MYRIP: variants seen among roughly 807,000 people sequenced by gnomAD.
MYRIP encodes myosin VIIA and Rab interacting protein, also known as rab effector MyRIP.
MYRIP carries 49 observed loss-of-function variants against 98.0 expected under a neutral mutation model. The observed-to-expected ratio is 0.50, with a 90% CI of 0.40 to 0.63. The LOEUF (loss-of-function observed/expected upper bound fraction) is 0.63. Among genes scored for constraint, MYRIP ranks in the 30% least tolerant of loss-of-function variants. The probability of loss-of-function intolerance (pLI) is 0.00; values close to 1 mark genes in which losing one functional copy is unlikely to be tolerated. For missense variants in MYRIP, 1,004 were observed against 1,058.2 expected (o/e 0.95, Z 0.71); for synonymous variants, 404 against 409.5 (o/e 0.99, Z 0.16).
intron 2 of MYRIP, among the ~76,000 whole-genome samples, chr3:39,964,106 A>C (rs1945385502): frequency 6.6e-6 from 1 of 152,040 alleles, no homozygotes; most frequent in Non-Finnish European, 1.5e-5. Flanking sequence ...TTCACCCAAG[A>C]ATGTCACCTG....
intron 3 of MYRIP, among the ~76,000 whole-genome samples, chr3:40,093,862 A>G (rs1015258522): frequency 6.6e-6 from 1 of 152,194 alleles, no homozygotes. Flanking sequence ...CTCTTAAGAT[A>G]AAGACAGAAC....
At chr3:39,988,968 A>T (rs1020142097) in intron 2 of MYRIP, among the ~76,000 whole-genome samples, 6 of 151,872 alleles carry the variant, frequency 4.0e-5, no homozygotes, top group African/African-American at 1.5e-4. Context: ...ATGCTCGGTT[A>T]GCTCAGCGGA....
chr3:40,142,343 G>A (rs749433012), intron 3 of MYRIP, among the ~76,000 whole-genome samples: 11 of 151,990 alleles, frequency 7.2e-5, no homozygotes, highest in African/African-American at 1.2e-4. Flanking sequence ...ATAAGCCACC[G>A]CACCCGGCCT....
chr3:40,146,399 T>A (rs995465508), intron 3 of MYRIP, among the ~76,000 whole-genome samples: 5 of 152,218 alleles, frequency 3.3e-5, no homozygotes, highest in Non-Finnish European at 7.3e-5. Flanking sequence ...GTGAACATTG[T>A]ATGTACTGAA....
At chr3:39,809,291 C>T (rs1660834686), upstream of MYRIP, among the ~76,000 whole-genome samples, 1 of 151,698 alleles carries the variant, frequency 6.6e-6, no homozygotes, top group Admixed American at 6.6e-5. Flanking sequence ...GCTCCCGAAC[C>T]GCGGCCCCAA....
At chr3:39,959,014 A>G (rs1232149391) in intron 2 of MYRIP, among the ~76,000 whole-genome samples, 1 of 151,854 alleles carries the variant, frequency 6.6e-6, no homozygotes. Flanking sequence ...AATCATTAAA[A>G]AGTCAGGAAA....
chr3:40,000,874 A>T (rs575588111), intron 2 of MYRIP, among the ~76,000 whole-genome samples: 1 of 152,262 alleles, frequency 6.6e-6, no homozygotes, highest in African/African-American at 2.4e-5. Flanking sequence ...ATGTTCTTAG[A>T]TTAGAAACAT....
At chr3:40,083,950 A>T (rs1216474172) in intron 3 of MYRIP, among the ~76,000 whole-genome samples, 1 of 151,944 alleles carries the variant, frequency 6.6e-6, no homozygotes, top group African/African-American at 2.4e-5. Context: ...ATCCTGGCTA[A>T]CACAGTGAAA....
chr3:40,113,080 G>A (rs79086764), intron 3 of MYRIP, among the ~76,000 whole-genome samples: 31 of 152,174 alleles, frequency 2.0e-4, no homozygotes, highest in East Asian at 7.7e-4. Flanking sequence ...GCAGGGAAGC[G>A]TCATTAAAAC....
intron 2 of MYRIP, among the ~76,000 whole-genome samples, chr3:39,986,352 C>A (rs532282676): frequency 6.6e-6 from 1 of 152,002 alleles, no homozygotes; most frequent in Non-Finnish European, 1.5e-5. Context: ...TGTATTTTTA[C>A]ATTTATATAT....
At chr3:40,172,065 A>T (rs1950630467) in intron 8 of MYRIP, among the ~76,000 whole-genome samples, 1 of 152,228 alleles carries the variant, frequency 6.6e-6, no homozygotes. Flanking sequence ...GGTCTCTCCC[A>T]CAACGTGGGA....
intron 2 of MYRIP, among the ~76,000 whole-genome samples, chr3:39,982,880 A>G (rs1250356895): frequency 6.6e-6 from 1 of 152,206 alleles, no homozygotes; most frequent in Admixed American, 6.6e-5. Context: ...CAGTAATGTC[A>G]AACTCATAGA....
intron 2 of MYRIP, among the ~76,000 whole-genome samples, chr3:40,021,640 C>G (rs913094614): frequency 6.6e-6 from 1 of 152,192 alleles, no homozygotes; most frequent in African/African-American, 2.4e-5. Context: ...TGCCCAACAA[C>G]AGGAAGAAAA....
chr3:39,889,588 G>A (rs1290175686), intron 1 of MYRIP, among the ~76,000 whole-genome samples: 1 of 152,186 alleles, frequency 6.6e-6, no homozygotes, highest in East Asian at 1.9e-4. Flanking sequence ...TAGATGACGA[G>A]TTAGTGGGTG....
intron 11 of MYRIP, among the ~76,000 whole-genome samples, chr3:40,219,435 T>A (rs1335422463): frequency 6.6e-6 from 1 of 152,204 alleles, no homozygotes; most frequent in Non-Finnish European, 1.5e-5. Context: ...GCTGCACCCA[T>A]TAACTCATCA....
intron 3 of MYRIP, among the ~76,000 whole-genome samples, chr3:40,066,445 G>T (rs528991079): frequency 6.6e-6 from 1 of 152,224 alleles, no homozygotes; most frequent in East Asian, 1.9e-4. Context: ...TGTTCAGAGG[G>T]TGTTGGCAAT....
intron 2 of MYRIP, among the ~76,000 whole-genome samples, chr3:39,965,855 T>G (rs1945426803): frequency 6.6e-6 from 1 of 152,184 alleles, no homozygotes; most frequent in Non-Finnish European, 1.5e-5. Context: ...TCACAAAATT[T>G]AAATGAAAAA....
chr3:39,819,763 T>C (rs1941048246), intron 1 of MYRIP, among the ~76,000 whole-genome samples: 1 of 152,164 alleles, frequency 6.6e-6, no homozygotes, highest in Non-Finnish European at 1.5e-5. Flanking sequence ...AAGAAACCTC[T>C]CCCACTTCCA....
intron 3 of MYRIP, among the ~76,000 whole-genome samples, chr3:40,066,210 C>T (rs943278591): frequency 2.0e-5 from 3 of 152,110 alleles, no homozygotes; most frequent in African/African-American, 7.2e-5. Context: ...CACCACCCTC[C>T]CCACACCAAC....
Sources: allele counts gnomAD v4.1 joint callset (sites outside exome capture counted in the v4.1 genomes callset), GRCh38; gene constraint gnomAD v4.1.1; transcripts MANE v1.5; gene names NCBI Gene and HGNC (gene_info 2026-07-23, HGNC 2026-07-21).